The following COL16A1 variants were observed in gnomAD, a reference collection of about 807,000 sequenced individuals.
The protein encoded by COL16A1 is collagen type XVI alpha 1 chain.
COL16A1 carries 189 observed loss-of-function variants against 266.3 expected under a neutral mutation model. That is an observed-to-expected ratio of 0.71 (90% confidence interval 0.63 to 0.80). COL16A1 has a LOEUF of 0.80. COL16A1 is among the 30% of genes least tolerant of loss of function. The pLI is 0.00. For missense variants in COL16A1, 1,928 were observed against 2,122.4 expected, an observed-to-expected ratio of 0.91 and a Z score of 1.80; for synonymous variants, 740 against 782.3, an observed-to-expected ratio of 0.95 and a Z score of 0.90.
chr1:31,681,798 CCT>C (rs1353733156), intron 37 of COL16A1, among the ~76,000 whole-genome samples: 8 of 152,352 alleles, frequency 5.3e-5, no homozygotes, highest in African/African-American at 1.7e-4. Flanking sequence ...ACTTGAAGCC[CCT>C]GAGGACCTGG....
chr1:31,662,195 G>A, intron 58 of COL16A1, 139 bp downstream of exon 58: 1 of 1,480,430 alleles, frequency 6.8e-7, no homozygotes, highest in Non-Finnish European at 9.2e-7. Context: ...GGTAGAGGGA[G>A]ACAGACCGAG....
At chr1:31,669,615 G>C (rs993380218) in intron 49 of COL16A1, among the ~76,000 whole-genome samples, 2 of 151,920 alleles carry the variant, frequency 1.3e-5, no homozygotes, top group African/African-American at 4.8e-5. Flanking sequence ...AGCAGAAACA[G>C]ACAAGGCCCG....
chr1:31,684,806 C>T lies in COL16A1; in HGVS notation c.2052+15G>A, dbSNP rs751595721. ...GATGCCATGCCCACCCCCGTGCCCA[C>T]GGACGCCCTCTCACCTTCTGCCCCT... On this transcript the variant is annotated intron_variant, in intron 30 of 70. Transcript: ENST00000373672. 8.7e-6 allele frequency: 14 copies of T among 1,613,944 alleles called. No individual in the cohort carries two copies. Among genetic ancestry groups the T allele is most frequent in the East Asian group, 4.5e-5 (2 of 44,884 alleles).
At chr1:31,694,069 A>C in intron 12 of COL16A1, 75 bp downstream of exon 12, 1 of 1,417,910 alleles carries the variant, frequency 7.1e-7, no homozygotes, top group African/African-American at 1.4e-5. Context: ...ACACACAGCC[A>C]CAGGGTCACA....
chr1:31,702,375 C>G, intron 1 of COL16A1, 148 bp from the exon 2 acceptor site: 1 of 734,882 alleles, frequency 1.4e-6, no homozygotes, highest in Non-Finnish European at 2.3e-6. Flanking sequence ...TCTCAGAGGC[C>G]CAACCACAGC....
intron 37 of COL16A1, among the ~76,000 whole-genome samples, chr1:31,681,468 A>T (rs1643638077): frequency 6.6e-6 from 1 of 152,174 alleles, no homozygotes; most frequent in African/African-American, 2.4e-5. Flanking sequence ...TGCTTGATAC[A>T]CTTTCTCCCT....
intron 47 of COL16A1, 91 bp downstream of exon 47, chr1:31,672,325 A>T: frequency 7.0e-7 from 1 of 1,432,806 alleles, no homozygotes; most frequent in Non-Finnish European, 9.7e-7. Context: ...AAAGGGCATC[A>T]GTCAGGTGAG....
chr1:31,690,540 C>T lies in COL16A1; in HGVS notation c.1471G>A (p.Gly491Ser), dbSNP rs539597074. The change falls in exon 21 of 71, where the codon GGT becomes AGT. Residue 491 changes from glycine (G) to serine (S), a missense_variant. By Grantham distance (56) the Gly-to-Ser change is moderately conservative (BLOSUM62 0). Around this residue, in one of 2 missense-constraint regions of COL16A1, gnomAD observed 1,552 missense variants for 1,637.2 expected, o/e 0.95. Coordinates refer to ENST00000373672, the MANE Select transcript of COL16A1 (RefSeq NM_001856.4). ...SSGIPGKEGP[G>S]GKPGKPGVKG... ...TTGGTGTCACTCACAGGTTTCCCAC[C>T]AGGGCCTTCCTTTCCTGGGATCCCC... 9 of 1,613,962 alleles carry T rather than the reference C, an allele frequency of 5.6e-6. No homozygotes were observed. In the South Asian group the frequency reaches 9.9e-5, roughly 18 times the overall value.
intron 67 of COL16A1, 103 bp downstream of exon 67, chr1:31,655,211 C>G (rs1459590543): frequency 7.3e-6 from 11 of 1,503,452 alleles, no homozygotes; most frequent in Admixed American, 2.3e-5. Flanking sequence ...GAGCCAGGCT[C>G]TTTCCCACAG....
rs1365791430 is a variant in COL16A1 at position 31,685,646 on chromosome 1, C to A, written c.2009G>T (p.Gly670Val). 3.1e-6 allele frequency: 5 copies of A among 1,613,598 alleles called. No individual in the cohort carries two copies. The highest frequency in any genetic ancestry group is 4.2e-6 in the Non-Finnish European group (5 of 1,179,866). ...EPGPPGFGLP[G>V]KQGKAGERGL... The stretch of plus-strand genomic sequence containing the variant: ...GCCTATATCCCACCTCACCTGTTTT[C>A]CTGGCAAGCCAAAGCCTGGAGGCCC... The change falls in exon 29 of 71, where the codon GGA (glycine) becomes GTA (valine). Residue 670 changes from glycine to valine, a missense_variant. Transcript: ENST00000373672. This position sits in a 1 kb window ranked among gnomAD's most constrained non-coding sequence, Gnocchi z 4.0.
intron 2 of COL16A1, 35 bp downstream of exon 2, chr1:31,702,086 G>A (rs1182427107): frequency 2.5e-6 from 4 of 1,613,528 alleles, no homozygotes; most frequent in Non-Finnish European, 3.4e-6. Flanking sequence ...CCAGTTGCAG[G>A]CCTGTGATAC....
chr1:31,690,416 C>T (rs969049249), intron 21 of COL16A1, 23 bp from the exon 22 acceptor site: 23 of 1,614,072 alleles, frequency 1.4e-5, no homozygotes, highest in Non-Finnish European at 1.9e-5. Flanking sequence ...AGGCAATGGG[C>T]ATCAGTGCCA....
chr1:31,667,362 G>A lies in COL16A1; in HGVS notation c.3357+213C>T, dbSNP rs547653471. 5.9e-5 allele frequency among the ~76,000 whole-genome samples: 9 copies of A among 152,226 alleles called. No homozygotes were observed. In the South Asian group the frequency reaches 1.0e-3, roughly 18 times the overall value. On this transcript the variant is annotated intron_variant, in intron 52 of 70. Coordinates refer to ENST00000373672, the MANE Select transcript of COL16A1 (RefSeq NM_001856.4). The stretch of plus-strand genomic sequence containing the variant: ...GTAGGAGGCGGAGGAGTGCTTCTGC[G>A]GCTGCCTCCTGGCACCCTCCCCTTG...
chr1:31,671,116 C>T (rs1642649847), intron 48 of COL16A1, among the ~76,000 whole-genome samples: 1 of 152,248 alleles, frequency 6.6e-6, no homozygotes, highest in Admixed American at 6.5e-5. Flanking sequence ...TCACAGAGGA[C>T]TCCAGAGTAG....
rs772217588 is a variant in COL16A1, at chr1:31,660,658, GA to G, written c.3826-21del. ...TTCACCCTGCAGGAGCCAGAAAAAGGAAAAAATGACACTGAAACTGACTTGC... is the reference window on the plus strand; with the variant it reads ...TTCACCCTGCAGGAGCCAGAAAAAGGAAAAATGACACTGAAACTGACTTGC... On this transcript the variant is annotated intron_variant, in intron 61 of 70. Coordinates refer to ENST00000373672, the MANE Select transcript of COL16A1 (RefSeq NM_001856.4). 1.7e-4 allele frequency: 272 copies of G among 1,613,108 alleles called. No homozygotes were observed. The highest frequency in any genetic ancestry group is 2.1e-4 in the Non-Finnish European group (245 of 1,179,656).
intron 12 of COL16A1, 36 bp from the exon 13 acceptor site, chr1:31,693,190 G>C (rs768191352): frequency 1.5e-6 from 2 of 1,367,660 alleles, no homozygotes; most frequent in Non-Finnish European, 1.0e-6. Flanking sequence ...TAGGACCAGA[G>C]GGGGCACATG....
At chr1:31,672,913 G>C (rs2148716567) in intron 44 of COL16A1, 73 bp from the exon 45 acceptor site, 3 of 1,425,546 alleles carry the variant, frequency 2.1e-6, no homozygotes, top group African/African-American at 1.4e-5. Flanking sequence ...GGGAGCCCCA[G>C]TGAGAACCCA....
At position 31,686,120 on chromosome 1, in the gene COL16A1, C is replaced by T. The variant is rs779837380; in HGVS notation, c.1855G>A (p.Val619Met). 3 of 1,614,182 alleles carry T rather than the reference C, an allele frequency of 1.9e-6. No homozygotes were observed. The highest frequency in any genetic ancestry group is 2.2e-5 in the East Asian group (1 of 44,888). ...PAGSPGPPGPVGPAGIKGAKG... is the reference protein window; with the variant it reads ...PAGSPGPPGPMGPAGIKGAKG... ...GCCCCTTTGATGCCTGCTGGCCCCA[C>T]TGGTCCTGGTGGCCCCTGCATGTTA... The change falls in exon 28 of 71, where the codon GTG becomes ATG. Residue 619 changes from valine to methionine, a missense_variant. Val to Met is a conservative substitution (Grantham distance 21). This residue lies in a region of COL16A1 where 1,552 missense variants were observed against 1,637.2 expected (regional missense o/e 0.95). Transcript: ENST00000373672.
Position 31,684,176 on chromosome 1 carries a change from C to T in COL16A1, c.2216G>A (p.Gly739Glu). The T allele has an allele frequency of 1.3e-6, 2 of 1,542,758 alleles. No homozygotes were observed. The highest frequency in any genetic ancestry group is 1.8e-6 in the Non-Finnish European group (2 of 1,142,390). ...TTTGGGGCCGGGCTGCCCAGGCCGT[C>T]CTGCCATGTCTGTCACTGTCCCCTG... ...SLQGTVTDMAGRPGQPGPKGE... is the reference protein window; with the variant it reads ...SLQGTVTDMAERPGQPGPKGE... The change falls in exon 32 of 71, where the codon GGA becomes GAA. Residue 739 changes from glycine to glutamate, a missense_variant. By Grantham distance (98) the Gly-to-Glu change is moderately conservative. Around this residue, in one of 2 missense-constraint regions of COL16A1, gnomAD observed 1,552 missense variants for 1,637.2 expected, o/e 0.95. Coordinates refer to ENST00000373672, the MANE Select transcript of COL16A1 (RefSeq NM_001856.4).
Sources: allele counts gnomAD v4.1 joint callset (sites outside exome capture counted in the v4.1 genomes callset), GRCh38; gene constraint gnomAD v4.1.1; regional missense constraint gnomAD v4.1.1; non-coding constraint Gnocchi (gnomAD v3.1); transcripts MANE v1.5; gene names NCBI Gene and HGNC (gene_info 2026-07-23, HGNC 2026-07-21).